Variants in RARS2 observed in about 807,000 individuals in gnomAD.
RARS2 encodes the protein arginyl-tRNA synthetase 2, mitochondrial, also known as probable arginine--tRNA ligase, mitochondrial.
Under a neutral mutation model 88.5 loss-of-function variants are expected in RARS2, and 67 were observed. The ratio of observed to expected loss-of-function variants is 0.76; its 90% CI spans 0.62 to 0.93. RARS2 has a LOEUF of 0.93. RARS2 is among the 40% of genes least tolerant of loss of function. The probability of loss-of-function intolerance (pLI) is 0.00; values close to 1 mark genes in which losing one functional copy is unlikely to be tolerated. For missense variants in RARS2, 664 were observed against 684.2 expected (o/e 0.97, Z 0.33); for synonymous variants, 239 against 230.3 (o/e 1.04, Z -0.34).
chr6:87,524,110 CTT>C (rs1277859031), intron 11 of RARS2, among the ~76,000 whole-genome samples: 1 of 152,170 alleles, frequency 6.6e-6, no homozygotes, highest in African/African-American at 2.4e-5. Context: ...CTGGGAGACA[CTT>C]TTGCCAGCAG....
chr6:87,556,090 T>C (rs1490442122), intron 4 of RARS2, among the ~76,000 whole-genome samples: 2 of 152,154 alleles, frequency 1.3e-5, no homozygotes, highest in South Asian at 2.1e-4. Context: ...CAAGCAATGG[T>C]AGGAAAAAGA....
intron 18 of RARS2, among the ~76,000 whole-genome samples, chr6:87,516,441 TTTC>T (rs1213934457): frequency 6.6e-6 from 1 of 152,192 alleles, no homozygotes; most frequent in Non-Finnish European, 1.5e-5. Context: ...AACTCTGGGC[TTTC>T]TTCTTCTTCC....
At position 87,579,791 on chromosome 6, in the gene RARS2, A is replaced by G. The variant is rs1434506826; in HGVS notation, c.36+10131T>C. ...CGCCAGGCTGGAGTGCAGTGATGCAATCTCTGCCCACTGCAAACTCCGCCT... is the reference window on the plus strand; with the variant it reads ...CGCCAGGCTGGAGTGCAGTGATGCAGTCTCTGCCCACTGCAAACTCCGCCT... On this transcript the variant is annotated intron_variant, in intron 1 of 19. Transcript: ENST00000369536. 3.1e-5 allele frequency among the ~76,000 whole-genome samples: 4 copies of G among 131,098 alleles called. No homozygotes were observed. In the East Asian group the frequency reaches 6.7e-4, roughly 22 times the overall value. The allele number at this position is 131,098 out of a possible 152,430, so 86.0% of individuals were successfully genotyped here. A position where few individuals can be genotyped will look rare whatever the true frequency, so the allele number is the denominator to read the frequency against.
chr6:87,544,992 G>A (rs761287047), intron 7 of RARS2, among the ~76,000 whole-genome samples: 1 of 152,180 alleles, frequency 6.6e-6, no homozygotes, highest in Non-Finnish European at 1.5e-5. Flanking sequence ...TGAGAAAGGT[G>A]TACACAGTTA....
At chr6:87,555,382 A>C (rs766029735) in intron 5 of RARS2, 26 bp downstream of exon 5, 1 of 1,567,244 alleles carries the variant, frequency 6.4e-7, no homozygotes, top group African/African-American at 1.4e-5. Context: ...TTGATTAAGC[A>C]ACACATAAAA....
At chr6:87,546,878 C>T (rs548675653) in intron 6 of RARS2, among the ~76,000 whole-genome samples, 1 of 152,172 alleles carries the variant, frequency 6.6e-6, no homozygotes, top group Non-Finnish European at 1.5e-5. Context: ...CAACTGGAAC[C>T]TGTTTTTCCA....
intron 2 of RARS2, 27 bp from the exon 3 acceptor site, chr6:87,564,259 G>A: frequency 1.4e-6 from 2 of 1,476,082 alleles, no homozygotes; most frequent in Non-Finnish European, 1.9e-6. Context: ...AAACGAGATA[G>A]AACTGTTACC....
chr6:87,538,956 C>T (rs1780047125), intron 8 of RARS2, among the ~76,000 whole-genome samples: 2 of 151,804 alleles, frequency 1.3e-5, no homozygotes, highest in Non-Finnish European at 2.9e-5. Context: ...ATCACCTGAG[C>T]CTGGGAGGTC....
chr6:87,589,762 G>A, intron 1 of RARS2, 160 bp downstream of exon 1: 1 of 985,148 alleles, frequency 1.0e-6, no homozygotes, highest in Non-Finnish European at 1.2e-6. Context: ...CAGGACTTCT[G>A]AAGCTCCACC....
intron 7 of RARS2, among the ~76,000 whole-genome samples, chr6:87,542,285 T>C (rs915644601): frequency 3.3e-5 from 5 of 152,172 alleles, no homozygotes; most frequent in African/African-American, 9.7e-5. Flanking sequence ...ATCTTTGTAC[T>C]AACAGTGCTG....
chr6:87,537,264 G>A (rs1190691013), intron 8 of RARS2, among the ~76,000 whole-genome samples: 1 of 152,150 alleles, frequency 6.6e-6, no homozygotes, highest in East Asian at 1.9e-4. Context: ...GCAACTCAAG[G>A]GATGAAAGAA....
chr6:87,589,210 C>T (rs1004909711), intron 1 of RARS2, among the ~76,000 whole-genome samples: 7 of 152,126 alleles, frequency 4.6e-5, no homozygotes, highest in African/African-American at 1.7e-4. Context: ...TGATTAATTC[C>T]ACATTTATAC....
At chr6:87,519,175 T>TA in intron 14 of RARS2, 1 of 278,942 alleles carries the variant, frequency 3.6e-6, no homozygotes, top group South Asian at 3.8e-5. Flanking sequence ...TATATATATA[T>TA]AAATATATAT....
rs1299868097 is a variant in RARS2, at chr6:87,536,170, A to G, written c.613-5228T>C. ...AATAAAACCTTCTATAGCAAAAAAA[A>G]AGGTTAATATGCTTAGAGATACTGT... On this transcript the variant is annotated intron_variant, in intron 8 of 19. Transcript: ENST00000369536. Among the ~76,000 whole-genome samples the G allele has an allele frequency of 3.9e-5, 6 of 152,304 alleles. No homozygotes were observed. The South Asian group carries it at 1.2e-3, about 32-fold the overall frequency.
In RARS2 at chr6:87,576,316, G is replaced by A. The variant is rs1164983485; in HGVS notation, c.37-6726C>T. 1.9e-4 allele frequency among the ~76,000 whole-genome samples: 15 copies of A among 78,686 alleles called. 4 individuals carry two copies. The highest frequency in any genetic ancestry group is 1.0e-3 in the East Asian group (3 of 2,952). 51.6% of individuals were successfully genotyped at this position (78,686 alleles called of 152,430 possible). A position where few individuals can be genotyped will look rare whatever the true frequency, so the allele number is the denominator to read the frequency against. On this transcript the variant is annotated intron_variant, in intron 1 of 19. Transcript: ENST00000369536. ...TTTTGAGACGGAGTCTCGCTCTGTC[G>A]CCCAGGCTGGAGTGCAGTGGCGCGA...
chr6:87,586,304 A>G (rs1441916785), intron 1 of RARS2, among the ~76,000 whole-genome samples: 1 of 152,192 alleles, frequency 6.6e-6, no homozygotes, highest in Non-Finnish European at 1.5e-5. Context: ...GAATCCAAAT[A>G]TTGTGATTCT....
intron 8 of RARS2, among the ~76,000 whole-genome samples, chr6:87,535,201 A>C (rs138739099): frequency 2.0e-5 from 3 of 152,382 alleles, no homozygotes; most frequent in Admixed American, 2.0e-4. Flanking sequence ...AATGTAACTT[A>C]AAACAATGAT....
intron 2 of RARS2, among the ~76,000 whole-genome samples, chr6:87,567,082 T>C (rs140659443): frequency 6.6e-6 from 1 of 151,672 alleles, no homozygotes; most frequent in Admixed American, 6.6e-5. Flanking sequence ...TGAAACCCCG[T>C]CTCTACTAAA....
At chr6:87,569,725 C>A (rs1769043721) in intron 1 of RARS2, 135 bp from the exon 2 acceptor site, 18 of 744,138 alleles carry the variant, frequency 2.4e-5, no homozygotes, top group South Asian at 3.1e-5. Context: ...GTGAAGGAAG[C>A]CAGATTCAAA....
Sources: gnomAD v4.1 joint callset for allele counts (sites outside exome capture counted in the v4.1 genomes callset) on GRCh38, gnomAD v4.1.1 for gene constraint, MANE v1.5 for transcripts, NCBI Gene and HGNC (gene_info 2026-07-23, HGNC 2026-07-21) for gene names.